Variants in NAALADL2 observed in about 807,000 individuals in gnomAD.
NAALADL2 encodes N-acetylated alpha-linked acidic dipeptidase like 2.
Under a neutral mutation model 87.2 loss-of-function variants are expected in NAALADL2, and 76 were observed. The ratio of observed to expected loss-of-function variants is 0.87; its 90% CI spans 0.72 to 1.05. NAALADL2 has a LOEUF of 1.05. Among genes scored for constraint, NAALADL2 ranks in the 50% least tolerant of loss-of-function variants. NAALADL2 has a pLI of 0.00. For synonymous variants in NAALADL2, 354 were observed against 331.0 expected, an observed-to-expected ratio of 1.07 and a Z score of -0.75; for missense variants, 1,089 against 945.8, an observed-to-expected ratio of 1.15 and a Z score of -1.99.
intron 5 of NAALADL2, among the ~76,000 whole-genome samples, chr3:175,420,991 T>C (rs1477932396): frequency 6.6e-6 from 1 of 152,082 alleles, no homozygotes; most frequent in East Asian, 1.9e-4. Flanking sequence ...TAGAAGTATT[T>C]AATTAGAAGT....
At chr3:175,379,748 A>C (rs1395163328) in intron 5 of NAALADL2, among the ~76,000 whole-genome samples, 1 of 151,950 alleles carries the variant, frequency 6.6e-6, no homozygotes, top group Non-Finnish European at 1.5e-5. Context: ...AATATTCCTC[A>C]AAGGTTTGTC....
At chr3:175,314,704 A>AGTTCTAAC (rs1560342220) in intron 4 of NAALADL2, among the ~76,000 whole-genome samples, 1 of 97,696 alleles carries the variant, frequency 1.0e-5, no homozygotes, top group African/African-American at 4.0e-5. Flanking sequence ...ATATATATAT[A>AGTTCTAAC]TATATATATA....
At chr3:175,427,996 A>G (rs1031669089) in intron 5 of NAALADL2, among the ~76,000 whole-genome samples, 1 of 152,018 alleles carries the variant, frequency 6.6e-6, no homozygotes, top group African/African-American at 2.4e-5. Flanking sequence ...TGTAATCTTC[A>G]CCTTTTTTTG....
chr3:174,793,778 GAA>G, intron 3 of NAALADL2, among the ~76,000 whole-genome samples: 1 of 149,984 alleles, frequency 6.7e-6, no homozygotes, highest in African/African-American at 2.4e-5. Flanking sequence ...TACAGGTTTT[GAA>G]AAAAGTTTTA....
chr3:174,885,412 T>C (rs1330634193), intron 1 of NAALADL2, among the ~76,000 whole-genome samples: 1 of 152,144 alleles, frequency 6.6e-6, no homozygotes, highest in Non-Finnish European at 1.5e-5. Context: ...TCCACTGAGC[T>C]TAGGGGCAAC....
intron 12 of NAALADL2, among the ~76,000 whole-genome samples, chr3:175,748,972 T>C (rs1232877707): frequency 6.6e-6 from 1 of 151,124 alleles, no homozygotes; most frequent in African/African-American, 2.4e-5. Context: ...CTGGACATGG[T>C]TGTGCAAGCC....
intron 2 of NAALADL2, among the ~76,000 whole-genome samples, chr3:175,207,321 G>A (rs1043030235): frequency 9.2e-5 from 14 of 151,868 alleles, no homozygotes; most frequent in African/African-American, 3.1e-4. Context: ...AAAATAGTGT[G>A]AATTTTTACC....
chr3:175,082,357 T>C (rs957063727), intron 1 of NAALADL2, among the ~76,000 whole-genome samples: 1 of 152,244 alleles, frequency 6.6e-6, no homozygotes, highest in Non-Finnish European at 1.5e-5. Flanking sequence ...TTATTATTTC[T>C]ATCTTATTTT....
intron 4 of NAALADL2, among the ~76,000 whole-genome samples, chr3:175,276,540 T>C (rs1464483373): frequency 1.3e-5 from 2 of 152,078 alleles, no homozygotes; most frequent in Non-Finnish European, 2.9e-5. Context: ...CCTGACCTTA[T>C]GATCTGCCCA....
At chr3:175,657,178 C>T (rs1173004815) in intron 11 of NAALADL2, among the ~76,000 whole-genome samples, 1 of 152,140 alleles carries the variant, frequency 6.6e-6, no homozygotes, top group East Asian at 1.9e-4. Context: ...TTTCATCATT[C>T]TAAGTTCACT....
At position 175,677,136 on chromosome 3, in the gene NAALADL2, G is replaced by A. The variant is rs538055069; in HGVS notation, c.1896+49750G>A. On this transcript the variant is annotated intron_variant, in intron 11 of 13. Transcript: ENST00000454872. ...TCCTAGCACTTTGGGAGGCTGAGGT[G>A]GGCAGATCACGAGGTCAGGAGATCA... Among the ~76,000 whole-genome samples, 133 of 152,156 alleles carry A rather than the reference G, an allele frequency of 8.7e-4. 1 individual carries two copies. Among genetic ancestry groups the A allele is most frequent in the African/African-American group, 3.1e-3 (130 of 41,536 alleles).
At chr3:174,460,140 G>C (rs904324005) in intron 1 of NAALADL2, among the ~76,000 whole-genome samples, 2 of 151,960 alleles carry the variant, frequency 1.3e-5, no homozygotes, top group Non-Finnish European at 2.9e-5. Flanking sequence ...AGATTTTTTA[G>C]CAATCTACTT....
At chr3:174,617,272 A>T (rs1264396429) in intron 2 of NAALADL2, among the ~76,000 whole-genome samples, 1 of 151,038 alleles carries the variant, frequency 6.6e-6, no homozygotes, top group African/African-American at 2.5e-5. Flanking sequence ...CTTAACATTT[A>T]AAAAAATAAA....
intron 5 of NAALADL2, among the ~76,000 whole-genome samples, chr3:175,415,936 C>T (rs182415909): frequency 6.8e-6 from 1 of 146,304 alleles, no homozygotes; most frequent in South Asian, 2.1e-4. Context: ...CAACATACTG[C>T]GAGACCTTGT....
chr3:175,791,743 A>G (rs2108293355), intron 13 of NAALADL2, among the ~76,000 whole-genome samples: 1 of 151,992 alleles, frequency 6.6e-6, no homozygotes, highest in East Asian at 1.9e-4. Flanking sequence ...TGTTACATAT[A>G]GTATATTGTA....
intron 11 of NAALADL2, among the ~76,000 whole-genome samples, chr3:175,708,922 C>T (rs1740125194): frequency 6.6e-6 from 1 of 151,970 alleles, no homozygotes; most frequent in Non-Finnish European, 1.5e-5. Flanking sequence ...GAAAACTACT[C>T]ATGTACATTG....
At chr3:175,479,976 C>T (rs1726223687) in intron 9 of NAALADL2, among the ~76,000 whole-genome samples, 2 of 151,748 alleles carry the variant, frequency 1.3e-5, no homozygotes, top group Non-Finnish European at 3.0e-5. Flanking sequence ...GAATTACCTT[C>T]AGGTGCTCAA....
At chr3:174,788,306 TGAG>T (rs750899717) in intron 3 of NAALADL2, among the ~76,000 whole-genome samples, 30 of 152,174 alleles carry the variant, frequency 2.0e-4, no homozygotes, top group Admixed American at 1.2e-3. Flanking sequence ...AGTACTGATA[TGAG>T]GAGAAGTCTA....
chr3:175,600,353 C>T (rs1722786782), intron 10 of NAALADL2, among the ~76,000 whole-genome samples: 1 of 151,684 alleles, frequency 6.6e-6, no homozygotes, highest in Admixed American at 6.6e-5. Context: ...GATGTTTTGT[C>T]TTTTAAGGTA....
Sources: allele counts gnomAD v4.1 joint callset (sites outside exome capture counted in the v4.1 genomes callset), GRCh38; gene constraint gnomAD v4.1.1; transcripts MANE v1.5; gene names NCBI Gene and HGNC (gene_info 2026-07-23, HGNC 2026-07-21).